GFOD1: variants seen among roughly 807,000 people sequenced by gnomAD.
GFOD1 encodes the protein Gfo/Idh/MocA-like oxidoreductase domain containing 1, also known as glucose-fructose oxidoreductase domain-containing protein 1.
A neutral mutation model predicts 25.4 loss-of-function variants in GFOD1; 9 were observed. That is an observed-to-expected ratio of 0.35 (90% CI 0.21 to 0.62). The LOEUF (loss-of-function observed/expected upper bound fraction) is 0.62, where lower values mean the gene tolerates loss of function less well. Ranked by LOEUF, GFOD1 falls within the 20% of genes least tolerant of loss-of-function variation. The pLI, the probability that GFOD1 is intolerant of heterozygous loss-of-function variation, is 0.72. For synonymous variants in GFOD1, 253 were observed against 245.6 expected, an observed-to-expected ratio of 1.03 and a Z score of -0.28; for missense variants, 403 against 556.9, an observed-to-expected ratio of 0.72 and a Z score of 2.78.
intron 1 of GFOD1, chr6:13,469,830 T>C (rs374997741): frequency 2.8e-5 from 32 of 1,134,510 alleles, no homozygotes; most frequent in African/African-American, 1.4e-4. Context: ...AATGTCCACA[T>C]TGGAGGTTGG....
chr6:13,366,480 C>T (rs1384624612), intron 1 of GFOD1, among the ~76,000 whole-genome samples: 13 of 152,154 alleles, frequency 8.5e-5, no homozygotes, highest in African/African-American at 1.2e-4. Context: ...AGATTACAGG[C>T]GCCCGCCACC....
chr6:13,393,284 A>G (rs949054601), intron 1 of GFOD1, among the ~76,000 whole-genome samples: 5 of 145,614 alleles, frequency 3.4e-5, no homozygotes, highest in African/African-American at 1.0e-4. Flanking sequence ...TGAACCCGAG[A>G]GGCAGAGGTT....
chr6:13,365,601 G>A lies in GFOD1; in HGVS notation c.315C>T (p.Thr105=), dbSNP rs561363508. Residue 105 remains threonine (T), a synonymous_variant, in exon 2 of 2, where the codon ACC becomes ACT. Transcript: ENST00000379287. The surrounding 1 kb of genome is among the most constrained non-coding windows in gnomAD (Gnocchi z 9.2). The part of the protein sequence containing the change: ...TATPLDAFRM[T]SAAHYYPKLM... ...GCTTGGGGTAGTAGTGGGCGGCCGA[G>A]GTCATGCGGAAAGCGTCCAGCGGCG... 4.5e-5 allele frequency: 72 copies of A among 1,605,388 alleles called. No individual in the cohort carries two copies. The South Asian group carries it at 7.0e-4, about 16-fold the overall frequency.
rs559612 is a variant in GFOD1, at chr6:13,393,473, C to T, written c.254-27811G>A. On this transcript the variant is annotated intron_variant, in intron 1 of 1. Coordinates refer to ENST00000379287, the MANE Select transcript of GFOD1 (RefSeq NM_018988.4). ...TTGCCATCCTTGTAGAAAGGACCAC[C>T]GGCCAGTCCAGAGAGACCCTGCAGA... Among the ~76,000 whole-genome samples, 895 of 151,320 alleles carry T rather than the reference C, an allele frequency of 5.9e-3. 10 individuals carry two copies. Among genetic ancestry groups the T allele is most frequent in the African/African-American group, 0.021 (845 of 41,174 alleles).
At chr6:13,376,833 C>T (rs1047690815) in intron 1 of GFOD1, among the ~76,000 whole-genome samples, 1 of 152,190 alleles carries the variant, frequency 6.6e-6, no homozygotes, top group Non-Finnish European at 1.5e-5. Flanking sequence ...CCCAACAAAA[C>T]CTCAGAATCT....
chr6:13,487,076 G>A lies in GFOD1; in HGVS notation c.-186C>T. The A allele has an allele frequency of 3.0e-6, 2 of 664,522 alleles. No individual in the cohort carries two copies. The highest frequency in any genetic ancestry group is 5.0e-6 in the Non-Finnish European group (2 of 398,912). 41.2% of individuals were successfully genotyped at this position (664,522 alleles called of 1,614,324 possible). ...ACCGAGCTGCAGGCGGAGCAAGCTC[G>A]GGGCGCCTCAGAACGGTGACTGCGG... is the stretch of plus-strand genomic sequence containing the variant. On this transcript the variant is annotated 5_prime_UTR_variant, in exon 1 of 2. Transcript: ENST00000379287. This position sits in a 1 kb window ranked among gnomAD's most constrained non-coding sequence, Gnocchi z 4.9.
At chr6:13,450,536 C>A (rs181121419) in intron 1 of GFOD1, among the ~76,000 whole-genome samples, 164 of 152,250 alleles carry the variant, frequency 1.1e-3, no homozygotes, top group African/African-American at 3.6e-3. Flanking sequence ...CGGAGCACAC[C>A]AGGCCCAAGC....
intron 1 of GFOD1, among the ~76,000 whole-genome samples, chr6:13,367,058 G>C (rs546115879): frequency 3.3e-5 from 5 of 151,034 alleles, no homozygotes; most frequent in Non-Finnish European, 7.4e-5. Flanking sequence ...AAAATATATT[G>C]TTACAGTTAT....
chr6:13,393,928 A>G (rs4715250), intron 1 of GFOD1, among the ~76,000 whole-genome samples: 102,898 of 151,384 alleles, frequency 0.68, 35,649 homozygotes, highest in Non-Finnish European at 0.75. Context: ...ACAGGCGCCC[A>G]CCACCACGCC....
intron 1 of GFOD1, among the ~76,000 whole-genome samples, chr6:13,410,577 G>GGGGAGAGAGAGA (rs1398916063): frequency 7.8e-4 from 100 of 128,184 alleles, no homozygotes; most frequent in Non-Finnish European, 1.2e-3. Context: ...AAGAAAGAAA[G>GGGGAGAGAGAGA]GAGAGAGAGA....
At chr6:13,459,279 G>C (rs1339831865) in intron 1 of GFOD1, among the ~76,000 whole-genome samples, 1 of 151,152 alleles carries the variant, frequency 6.6e-6, no homozygotes, top group African/African-American at 2.4e-5. Context: ...TTTTATAAAT[G>C]GTGCTGGGAA....
intron 1 of GFOD1, among the ~76,000 whole-genome samples, chr6:13,388,395 G>T (rs886737467): frequency 1.1e-4 from 16 of 152,180 alleles, no homozygotes; most frequent in Non-Finnish European, 1.5e-5. Flanking sequence ...AAACAGCATG[G>T]TATTGGTACC....
intron 1 of GFOD1, among the ~76,000 whole-genome samples, chr6:13,463,242 G>A (rs1434265359): frequency 6.6e-6 from 1 of 152,172 alleles, no homozygotes; most frequent in Admixed American, 6.5e-5. Context: ...GACTGAGTCT[G>A]GCCTCCCAGT....
intron 1 of GFOD1, chr6:13,470,033 G>A (rs1479864533): frequency 1.5e-6 from 2 of 1,369,576 alleles, no homozygotes; most frequent in Non-Finnish European, 2.0e-6. Context: ...CCATGACTGA[G>A]AATATTTCCT....
In GFOD1 at chr6:13,365,664, T is replaced by A; in HGVS notation, c.254-2A>T. The stretch of plus-strand genomic sequence containing the variant: ...CGCAGATGACGTTCTTGCCGATGCC[T>A]GCGGGTGGGAGGAAGACAGCGGTCA... On this transcript the variant is annotated splice_acceptor_variant, in intron 1 of 1. Transcript: ENST00000379287. LOFTEE classifies it high-confidence loss of function. The surrounding 1 kb of genome is among the most constrained non-coding windows in gnomAD (Gnocchi z 9.2). 1 of 1,589,636 alleles carries A rather than the reference T, an allele frequency of 6.3e-7. No homozygotes were observed. The highest frequency in any genetic ancestry group is 8.5e-7 in the Non-Finnish European group (1 of 1,172,286).
rs926390446 is a variant in GFOD1, at chr6:13,486,656, T to C, written c.235A>G (p.Ile79Val). 1.2e-6 allele frequency: 2 copies of C among 1,613,906 alleles called. No individual in the cohort carries two copies. Among genetic ancestry groups the C allele is most frequent in the Admixed American group, 3.3e-5 (2 of 60,010 alleles). ...INLPPPLTRQ[I>V]AVKTLGIGKN... Reference sequence around the variant, plus strand: ...CGCTCACCTAGGGTTTTGACAGCGATCTGTCTGGTGAGGGGCGGCGGCAGG... The same window carrying C: ...CGCTCACCTAGGGTTTTGACAGCGACCTGTCTGGTGAGGGGCGGCGGCAGG... Residue 79 changes from isoleucine (I) to valine (V), a missense_variant, in exon 1 of 2, where the codon ATC becomes GTC. Ile to Val is a conservative substitution (Grantham distance 29, BLOSUM62 3). Transcript: ENST00000379287.
intron 1 of GFOD1, among the ~76,000 whole-genome samples, chr6:13,381,846 C>T (rs912491833): frequency 6.6e-6 from 1 of 151,702 alleles, no homozygotes; most frequent in African/African-American, 2.4e-5. Flanking sequence ...GACAGGTCAC[C>T]ATGCTCAATC....
chr6:13,486,824 C>T lies in GFOD1; in HGVS notation c.67G>A (p.Asp23Asn). Residue 23 changes from aspartate (D) to asparagine (N), a missense_variant, in exon 1 of 2, where the codon GAC becomes AAC. Transcript: ENST00000379287. ...AGCGCCTTCACCGCGAAGCCCTCGT[C>T]TTTCAGCAGCGGGATGATGACACGG... Reference protein sequence around the residue: ...TARVIIPLLKDEGFAVKALWG... With the variant: ...TARVIIPLLKNEGFAVKALWG... The T allele has an allele frequency of 6.2e-7, 1 of 1,613,972 alleles. No homozygotes were observed. Among genetic ancestry groups the T allele is most frequent in the East Asian group, 2.2e-5 (1 of 44,880 alleles).
At chr6:13,475,039 T>C (rs1266333732) in intron 1 of GFOD1, among the ~76,000 whole-genome samples, 1 of 152,190 alleles carries the variant, frequency 6.6e-6, no homozygotes, top group Non-Finnish European at 1.5e-5. Flanking sequence ...TTCCCCCAAG[T>C]GAAGTCTGCT....
Sources: allele counts gnomAD v4.1 joint callset (sites outside exome capture counted in the v4.1 genomes callset), GRCh38; gene constraint gnomAD v4.1.1; non-coding constraint Gnocchi (gnomAD v3.1); transcripts MANE v1.5; gene names NCBI Gene and HGNC (gene_info 2026-07-23, HGNC 2026-07-21).